Variants in FHIT observed in about 807,000 individuals in gnomAD.
The protein encoded by FHIT is fragile histidine triad diadenosine triphosphatase.
Under a neutral mutation model 17.9 loss-of-function variants are expected in FHIT, and 19 were observed. That is an observed-to-expected ratio of 1.06 (90% CI 0.74 to 1.56). The LOEUF is 1.56. Among genes scored for constraint, FHIT ranks in the 40% most tolerant of loss-of-function variants. The pLI is 0.00. For missense variants in FHIT, 248 were observed against 189.2 expected, an observed-to-expected ratio of 1.31 and a Z score of -1.82; for synonymous variants, 81 against 69.7, an observed-to-expected ratio of 1.16 and a Z score of -0.81.
intron 3 of FHIT, among the ~76,000 whole-genome samples, chr3:60,946,151 C>T (rs1321460251): frequency 1.3e-5 from 2 of 152,144 alleles, no homozygotes; most frequent in Non-Finnish European, 2.9e-5. Context: ...GTACATAAAT[C>T]CTGTAAGTCA....
At chr3:60,957,146 A>C (rs1709203902) in intron 3 of FHIT, among the ~76,000 whole-genome samples, 2 of 152,264 alleles carry the variant, frequency 1.3e-5, no homozygotes, top group African/African-American at 4.8e-5. Flanking sequence ...ATGGGTTCAT[A>C]GTAAAAAGCA....
At chr3:60,390,361 T>C (rs1405111377) in intron 5 of FHIT, among the ~76,000 whole-genome samples, 2 of 121,550 alleles carry the variant, frequency 1.6e-5, no homozygotes, top group Middle Eastern at 5.8e-3. Flanking sequence ...ACAGATTACA[T>C]AGATGACAGT....
intron 4 of FHIT, among the ~76,000 whole-genome samples, chr3:60,682,892 G>T (rs7640548): frequency 6.6e-6 from 1 of 152,158 alleles, no homozygotes; most frequent in African/African-American, 2.4e-5. Flanking sequence ...CATGATTTAT[G>T]GGAGGACAAC....
intron 5 of FHIT, among the ~76,000 whole-genome samples, chr3:60,515,550 T>C (rs970317728): frequency 1.4e-5 from 2 of 147,176 alleles, no homozygotes; most frequent in African/African-American, 5.1e-5. Flanking sequence ...AAAAACAAGC[T>C]ACAAAGGGAA....
intron 5 of FHIT, among the ~76,000 whole-genome samples, chr3:60,528,163 G>T (rs2035644005): frequency 6.6e-6 from 1 of 152,096 alleles, no homozygotes; most frequent in African/African-American, 2.4e-5. Context: ...GTAGAAAAGG[G>T]TCTAGCTATG....
chr3:60,202,712 G>A (rs796283522), intron 5 of FHIT, among the ~76,000 whole-genome samples: 10 of 152,248 alleles, frequency 6.6e-5, no homozygotes, highest in African/African-American at 2.2e-4. Flanking sequence ...CAGCCTAAAA[G>A]TACTGAGCTC....
At chr3:60,743,170 A>AT (rs1182764373) in intron 4 of FHIT, among the ~76,000 whole-genome samples, 1 of 152,214 alleles carries the variant, frequency 6.6e-6, no homozygotes, top group Non-Finnish European at 1.5e-5. Context: ...CTGAGGTCAC[A>AT]TTTTTAGGCT....
intron 4 of FHIT, among the ~76,000 whole-genome samples, chr3:60,599,414 G>T (rs2038371411): frequency 6.6e-6 from 1 of 152,158 alleles, no homozygotes; most frequent in South Asian, 2.1e-4. Context: ...AGTTTTGCAT[G>T]AAGGATGTGA....
At chr3:60,758,352 T>A (rs1280950062) in intron 4 of FHIT, among the ~76,000 whole-genome samples, 2 of 152,200 alleles carry the variant, frequency 1.3e-5, no homozygotes, top group Non-Finnish European at 2.9e-5. Context: ...CTAGTCAAAT[T>A]ACCCAATGTA....
intron 7 of FHIT, among the ~76,000 whole-genome samples, chr3:59,960,363 G>C (rs1174662228): frequency 1.3e-5 from 2 of 152,192 alleles, no homozygotes; most frequent in Non-Finnish European, 2.9e-5. Flanking sequence ...ATTGGATTTG[G>C]GAAGATGAGG....
At chr3:61,124,103 C>T (rs758443817) in intron 2 of FHIT, among the ~76,000 whole-genome samples, 3 of 152,078 alleles carry the variant, frequency 2.0e-5, no homozygotes, top group South Asian at 2.1e-4. Flanking sequence ...TTTTCCTGTA[C>T]GATAGGCAAC....
chr3:60,275,173 T>C lies in FHIT; in HGVS notation c.104-261021A>G, dbSNP rs898525527. ...GGAACTAGGCATATTTTCATTACTG[T>C]TTTCATTATTACTGACAACTTGGCT... On this transcript the variant is annotated intron_variant, in intron 5 of 9. Coordinates refer to ENST00000492590, the MANE Select transcript of FHIT (RefSeq NM_002012.4). 6.5e-4 allele frequency among the ~76,000 whole-genome samples: 98 copies of C among 150,208 alleles called. 1 individual carries two copies. The highest frequency in any genetic ancestry group is 6.8e-3 in the Middle Eastern group (2 of 294).
chr3:60,771,293 C>A (rs1330116766), intron 4 of FHIT, among the ~76,000 whole-genome samples: 1 of 152,250 alleles, frequency 6.6e-6, no homozygotes, highest in Admixed American at 6.5e-5. Flanking sequence ...TTATCTCTCT[C>A]TCTCTCTATC....
At chr3:60,119,198 C>G (rs1705131580) in intron 5 of FHIT, among the ~76,000 whole-genome samples, 1 of 151,774 alleles carries the variant, frequency 6.6e-6, no homozygotes, top group Admixed American at 6.6e-5. Context: ...CTCAGCCTCT[C>G]AAGTAGCTGG....
chr3:60,533,591 C>A (rs955395591), intron 5 of FHIT, among the ~76,000 whole-genome samples: 3 of 152,058 alleles, frequency 2.0e-5, no homozygotes, highest in African/African-American at 7.2e-5. Flanking sequence ...AAACAGAGGA[C>A]AGAGTTTTGT....
chr3:60,473,999 T>C (rs1055418849), intron 5 of FHIT, among the ~76,000 whole-genome samples: 5 of 152,038 alleles, frequency 3.3e-5, no homozygotes, highest in African/African-American at 9.7e-5. Context: ...AGACACATTA[T>C]TTTGGAAACA....
At chr3:59,935,536 G>T (rs769222764) in intron 7 of FHIT, among the ~76,000 whole-genome samples, 1 of 152,022 alleles carries the variant, frequency 6.6e-6, no homozygotes, top group Non-Finnish European at 1.5e-5. Flanking sequence ...TGGAACTCTG[G>T]GCTATTTATT....
intron 1 of FHIT, among the ~76,000 whole-genome samples, chr3:61,244,466 T>C (rs2040440765): frequency 6.6e-6 from 1 of 152,156 alleles, no homozygotes; most frequent in Admixed American, 6.6e-5. Flanking sequence ...AATATATCTA[T>C]TTGCCCATGA....
At chr3:60,554,763 C>T (rs183582905) in intron 4 of FHIT, among the ~76,000 whole-genome samples, 16 of 152,100 alleles carry the variant, frequency 1.1e-4, no homozygotes, top group Admixed American at 4.6e-4. Flanking sequence ...TTAAAGTTCC[C>T]AACATAAGTG....
Sources: allele counts gnomAD v4.1 joint callset (sites outside exome capture counted in the v4.1 genomes callset), GRCh38; gene constraint gnomAD v4.1.1; transcripts MANE v1.5; gene names NCBI Gene and HGNC (gene_info 2026-07-23, HGNC 2026-07-21).